The following TTC28 variants were observed in gnomAD, a reference collection of about 807,000 sequenced individuals.
The protein encoded by TTC28 is tetratricopeptide repeat domain 28.
TTC28 carries 61 observed loss-of-function variants against 198.0 expected under a neutral mutation model. The observed-to-expected ratio is 0.31, with a 90% CI of 0.25 to 0.38. TTC28 has a LOEUF of 0.38. Among genes scored for constraint, TTC28 ranks in the 10% least tolerant of loss-of-function variants. The pLI, the probability that TTC28 is intolerant of heterozygous loss-of-function variation, is 1.00. For synonymous variants in TTC28, 1,171 were observed against 1,297.8 expected, an observed-to-expected ratio of 0.90 and a Z score of 2.10; for missense variants, 2,678 against 3,164.0, an observed-to-expected ratio of 0.85 and a Z score of 3.69.
intron 2 of TTC28, among the ~76,000 whole-genome samples, chr22:28,471,420 T>C (rs2048095148): frequency 6.6e-6 from 1 of 152,160 alleles, no homozygotes; most frequent in African/African-American, 2.4e-5. Flanking sequence ...TATAATTTCC[T>C]AGAACAGTCT....
At chr22:28,311,280 A>G (rs1390238473) in intron 2 of TTC28, among the ~76,000 whole-genome samples, 3 of 152,184 alleles carry the variant, frequency 2.0e-5, no homozygotes, top group Non-Finnish European at 2.9e-5. Flanking sequence ...AAAGATGATT[A>G]GAAATGGGGA....
At chr22:28,585,651 AGCCTT>A (rs1255968277) in intron 2 of TTC28, among the ~76,000 whole-genome samples, 2 of 152,162 alleles carry the variant, frequency 1.3e-5, no homozygotes, top group Admixed American at 6.5e-5. Flanking sequence ...ACCTGTAGTA[AGCCTT>A]ATCTACATTT....
intron 12 of TTC28, among the ~76,000 whole-genome samples, chr22:28,055,063 A>G (rs2146716615): frequency 6.6e-6 from 1 of 152,346 alleles, no homozygotes; most frequent in Middle Eastern, 3.4e-3. Flanking sequence ...CAAGTCTGGC[A>G]GTATATGAGG....
intron 12 of TTC28, among the ~76,000 whole-genome samples, chr22:28,043,242 CAAAAAAAAAAAAAAAAAA>C (rs11362041): frequency 3.0e-5 from 2 of 65,578 alleles, no homozygotes; most frequent in Non-Finnish European, 5.6e-5. Context: ...GACTCCATCT[CAAAAAAAAAAAAAAAAAA>C]AAAAAAAAAG....
chr22:28,010,836 C>T lies in TTC28; in HGVS notation c.4218+3412G>A, dbSNP rs1404285499. On this transcript the variant is annotated intron_variant, in intron 14 of 22. Transcript: ENST00000397906. The stretch of plus-strand genomic sequence containing the variant: ...TTGGCTGATTTCTAAGTTGGCTCTT[C>T]TGCTTTCTGTGCCAAACTAGACCCA... Among the ~76,000 whole-genome samples, 3 of 152,186 alleles carry T rather than the reference C, an allele frequency of 2.0e-5. No individual in the cohort carries two copies. The East Asian group carries it at 5.8e-4, about 29-fold the overall frequency.
At chr22:28,490,421 T>C (rs1031518906) in intron 2 of TTC28, among the ~76,000 whole-genome samples, 8 of 152,300 alleles carry the variant, frequency 5.3e-5, no homozygotes, top group Admixed American at 5.2e-4. Flanking sequence ...GGCAATGGAA[T>C]AGAACATGGC....
At chr22:28,466,942 T>C (rs2146290702) in intron 2 of TTC28, among the ~76,000 whole-genome samples, 1 of 151,868 alleles carries the variant, frequency 6.6e-6, no homozygotes, top group East Asian at 1.9e-4. Flanking sequence ...TTAGAACACA[T>C]TAAGAAGATA....
At position 28,460,606 on chromosome 22, in the gene TTC28, G is replaced by C. The variant is rs938346001; in HGVS notation, c.382-153963C>G. ...TATAATAGATGGATAGATGATTAAT[G>C]GTAGATAGATAGATAGATAGATAGA... On this transcript the variant is annotated intron_variant, in intron 2 of 22. Transcript: ENST00000397906. Among the ~76,000 whole-genome samples the C allele has an allele frequency of 3.5e-5, 4 of 113,096 alleles. No individual in the cohort carries two copies. The Admixed American group carries it at 4.3e-4, about 12-fold the overall frequency. The allele number at this position is 113,096 out of a possible 152,430, so 74.2% of individuals were successfully genotyped here.
At chr22:28,168,848 T>G (rs2147075260) in intron 5 of TTC28, among the ~76,000 whole-genome samples, 1 of 152,298 alleles carries the variant, frequency 6.6e-6, no homozygotes, top group East Asian at 1.9e-4. Flanking sequence ...AAAGAGCTTC[T>G]GCACAGCAAA....
At chr22:28,013,813 A>G (rs1004163395) in intron 14 of TTC28, among the ~76,000 whole-genome samples, 10 of 152,098 alleles carry the variant, frequency 6.6e-5, no homozygotes, top group Non-Finnish European at 1.2e-4. Flanking sequence ...GGCATCTGCT[A>G]GGTGGGAAAG....
intron 5 of TTC28, among the ~76,000 whole-genome samples, chr22:28,200,493 C>T (rs1362291590): frequency 6.6e-6 from 1 of 151,892 alleles, no homozygotes; most frequent in Non-Finnish European, 1.5e-5. Flanking sequence ...AAATTAGGAC[C>T]AAATGGAGTG....
chr22:28,271,380 T>C (rs187936203), intron 5 of TTC28, among the ~76,000 whole-genome samples: 2 of 152,300 alleles, frequency 1.3e-5, no homozygotes, highest in African/African-American at 4.8e-5. Flanking sequence ...GCACTATAGA[T>C]GAACATAATC....
intron 2 of TTC28, among the ~76,000 whole-genome samples, chr22:28,570,831 T>C (rs1227018037): frequency 6.6e-6 from 1 of 152,218 alleles, no homozygotes; most frequent in African/African-American, 2.4e-5. Context: ...TTGAGCCTTG[T>C]TGCCTCGAAA....
At chr22:28,083,469 C>G (rs375294427) in intron 12 of TTC28, among the ~76,000 whole-genome samples, 1 of 152,196 alleles carries the variant, frequency 6.6e-6, no homozygotes, top group South Asian at 2.1e-4. Flanking sequence ...TTTTGTATGA[C>G]AGAATTGTTT....
chr22:28,214,595 C>T (rs185154044), intron 5 of TTC28, among the ~76,000 whole-genome samples: 1 of 152,330 alleles, frequency 6.6e-6, no homozygotes, highest in East Asian at 1.9e-4. Context: ...CCATCTCACA[C>T]CAGTTAGAAT....
chr22:28,177,908 T>A (rs1248115281), intron 5 of TTC28, among the ~76,000 whole-genome samples: 2 of 152,156 alleles, frequency 1.3e-5, no homozygotes, highest in African/African-American at 4.8e-5. Context: ...CTATTCTGCA[T>A]GATAATACTG....
chr22:28,113,071 A>G (rs1942530490), intron 6 of TTC28, among the ~76,000 whole-genome samples: 1 of 152,212 alleles, frequency 6.6e-6, no homozygotes, highest in South Asian at 2.1e-4. Context: ...TAAGTGCTCA[A>G]TACATTTTGC....
intron 3 of TTC28, among the ~76,000 whole-genome samples, chr22:28,298,702 C>T (rs1477399891): frequency 6.6e-6 from 1 of 152,124 alleles, no homozygotes; most frequent in Non-Finnish European, 1.5e-5. Context: ...CCTCCCACCT[C>T]GACCTCCCAA....
chr22:28,249,057 T>C (rs1421600118), intron 5 of TTC28, among the ~76,000 whole-genome samples: 3 of 152,114 alleles, frequency 2.0e-5, no homozygotes, highest in Admixed American at 6.6e-5. Flanking sequence ...TTATATACCC[T>C]AATAATAATG....
Sources: gnomAD v4.1 joint callset for allele counts (sites outside exome capture counted in the v4.1 genomes callset) on GRCh38, gnomAD v4.1.1 for gene constraint, MANE v1.5 for transcripts, NCBI Gene and HGNC (gene_info 2026-07-23, HGNC 2026-07-21) for gene names.